The following SLC35F1 variants were observed in gnomAD, a reference collection of about 807,000 sequenced individuals.
The protein encoded by SLC35F1 is solute carrier family 35 member F1.
A neutral mutation model predicts 48.7 loss-of-function variants in SLC35F1; 14 were observed. The observed-to-expected ratio is 0.29, with a 90% CI of 0.19 to 0.45. The LOEUF is 0.45. SLC35F1 is among the 20% of genes least tolerant of loss of function. SLC35F1 has a pLI of 1.00. For synonymous variants in SLC35F1, 190 were observed against 202.2 expected (o/e 0.94, Z 0.51); for missense variants, 404 against 500.0 (o/e 0.81, Z 1.83).
chr6:118,018,046 A>G (rs1337375912), intron 1 of SLC35F1, among the ~76,000 whole-genome samples: 4 of 152,162 alleles, frequency 2.6e-5, no homozygotes, highest in African/African-American at 9.7e-5. Context: ...TAAGTTCCTC[A>G]GTTTGTCTCA....
chr6:118,050,230 G>C (rs1166521411), intron 1 of SLC35F1, among the ~76,000 whole-genome samples: 3 of 151,998 alleles, frequency 2.0e-5, no homozygotes, highest in Admixed American at 6.6e-5. Flanking sequence ...TGGGAGGAGG[G>C]GGGAGGGATA....
chr6:118,041,646 A>G (rs538527443), intron 1 of SLC35F1, among the ~76,000 whole-genome samples: 2 of 152,334 alleles, frequency 1.3e-5, no homozygotes, highest in East Asian at 3.9e-4. Context: ...TTGAAGGTGC[A>G]TTAAAGAGGG....
intron 1 of SLC35F1, among the ~76,000 whole-genome samples, chr6:118,122,341 T>G (rs1003162093): frequency 1.3e-5 from 2 of 152,068 alleles, no homozygotes; most frequent in African/African-American, 4.8e-5. Flanking sequence ...GACAGTGTGG[T>G]AGGCTTGATT....
chr6:118,306,846 AT>A (rs1776317712), intron 7 of SLC35F1, among the ~76,000 whole-genome samples: 1 of 152,184 alleles, frequency 6.6e-6, no homozygotes, highest in African/African-American at 2.4e-5. Flanking sequence ...GCAGAAATCC[AT>A]TTTTAGCTCC....
At chr6:118,105,025 C>G (rs1773309899) in intron 1 of SLC35F1, among the ~76,000 whole-genome samples, 1 of 152,188 alleles carries the variant, frequency 6.6e-6, no homozygotes, top group Admixed American at 6.6e-5. Flanking sequence ...ATCTGGGTTT[C>G]TCTTGAAGAC....
chr6:118,173,947 A>G lies in SLC35F1; in HGVS notation c.349+19327A>G, dbSNP rs577621523. ...GAACCTCACCCAGCACTCAGATTCC[A>G]TGCCTGAAGAAGAGTAAGTACTGAT... On this transcript the variant is annotated intron_variant, in intron 2 of 7. Coordinates refer to ENST00000360388, the MANE Select transcript of SLC35F1 (RefSeq NM_001029858.4). Among the ~76,000 whole-genome samples the G allele has an allele frequency of 1.2e-3, 186 of 152,324 alleles. 1 individual carries two copies. Among genetic ancestry groups the G allele is most frequent in the Middle Eastern group, 3.4e-3 (1 of 294 alleles).
At chr6:118,263,779 G>A (rs1002205289) in intron 3 of SLC35F1, among the ~76,000 whole-genome samples, 1 of 152,230 alleles carries the variant, frequency 6.6e-6, no homozygotes, top group East Asian at 1.9e-4. Context: ...TAAGCTACGA[G>A]AAAACTGTTG....
intron 7 of SLC35F1, among the ~76,000 whole-genome samples, chr6:118,303,277 G>T (rs894779425): frequency 6.6e-6 from 1 of 152,162 alleles, no homozygotes; most frequent in Non-Finnish European, 1.5e-5. Context: ...ATCCATTAAG[G>T]GTGTTCCAAC....
At chr6:118,062,241 AG>A (rs1221401170) in intron 1 of SLC35F1, among the ~76,000 whole-genome samples, 1 of 152,218 alleles carries the variant, frequency 6.6e-6, no homozygotes, top group Non-Finnish European at 1.5e-5. Flanking sequence ...ATGTTAACAG[AG>A]GGCTGATTGG....
chr6:118,048,726 A>G (rs1194166994), intron 1 of SLC35F1, among the ~76,000 whole-genome samples: 3 of 152,234 alleles, frequency 2.0e-5, no homozygotes, highest in Non-Finnish European at 4.4e-5. Context: ...ATACAAACAA[A>G]TGGAAGAACA....
At chr6:118,108,189 G>T (rs957408452) in intron 1 of SLC35F1, among the ~76,000 whole-genome samples, 1 of 152,130 alleles carries the variant, frequency 6.6e-6, no homozygotes, top group African/African-American at 2.4e-5. Flanking sequence ...AAATAACAGA[G>T]AATTTGTTGT....
intron 1 of SLC35F1, among the ~76,000 whole-genome samples, chr6:117,963,927 T>C (rs1043453699): frequency 2.0e-5 from 3 of 152,202 alleles, no homozygotes; most frequent in Non-Finnish European, 4.4e-5. Flanking sequence ...ACCTAGGTAT[T>C]AAGCCCCACA....
chr6:117,975,949 C>T (rs1776700233), intron 1 of SLC35F1, among the ~76,000 whole-genome samples: 1 of 152,202 alleles, frequency 6.6e-6, no homozygotes, highest in African/African-American at 2.4e-5. Context: ...TCACGTCCTC[C>T]ACTGTGATAA....
chr6:117,940,624 A>C (rs778834399), intron 1 of SLC35F1, among the ~76,000 whole-genome samples: 19 of 152,092 alleles, frequency 1.2e-4, no homozygotes, highest in Admixed American at 7.9e-4. Flanking sequence ...AATGGAGAAG[A>C]TGTGCTTTTT....
intron 1 of SLC35F1, among the ~76,000 whole-genome samples, chr6:118,081,114 C>T (rs1009173342): frequency 6.6e-6 from 1 of 152,116 alleles, no homozygotes; most frequent in South Asian, 2.1e-4. Context: ...TTAATCCTCT[C>T]TTCTCTTTTT....
At chr6:117,952,684 A>T (rs1776379834) in intron 1 of SLC35F1, among the ~76,000 whole-genome samples, 1 of 152,218 alleles carries the variant, frequency 6.6e-6, no homozygotes, top group African/African-American at 2.4e-5. Context: ...CAAAGGAGAG[A>T]AAGAAACACC....
chr6:118,242,846 T>C (rs1038047413), intron 3 of SLC35F1, among the ~76,000 whole-genome samples: 9 of 152,172 alleles, frequency 5.9e-5, no homozygotes, highest in African/African-American at 2.2e-4. Flanking sequence ...TTGGGAACAA[T>C]TTCCCATACA....
At chr6:118,306,665 G>C (rs1776315447) in intron 7 of SLC35F1, among the ~76,000 whole-genome samples, 1 of 152,196 alleles carries the variant, frequency 6.6e-6, no homozygotes, top group South Asian at 2.1e-4. Context: ...TTGTAACTGA[G>C]CCTATAATTA....
chr6:118,029,823 A>C (rs779859132), intron 1 of SLC35F1, among the ~76,000 whole-genome samples: 1 of 152,188 alleles, frequency 6.6e-6, no homozygotes, highest in African/African-American at 2.4e-5. Context: ...CACTACGCTA[A>C]TGTGAATTAC....
Sources: allele counts gnomAD v4.1 joint callset (sites outside exome capture counted in the v4.1 genomes callset), GRCh38; gene constraint gnomAD v4.1.1; transcripts MANE v1.5; gene names NCBI Gene and HGNC (gene_info 2026-07-23, HGNC 2026-07-21).